HMCN2: variants seen among roughly 807,000 people sequenced by gnomAD.
HMCN2 encodes the protein hemicentin-2.
Under a neutral mutation model 377.5 loss-of-function variants are expected in HMCN2, and 325 were observed. The observed-to-expected ratio is 0.86, with a 90% confidence interval of 0.79 to 0.94. HMCN2 has a LOEUF of 0.94. Among genes scored for constraint, HMCN2 ranks in the 40% least tolerant of loss-of-function variants. The pLI, the probability that HMCN2 is intolerant of heterozygous loss-of-function variation, is 0.00. For synonymous variants in HMCN2, 2,007 were observed against 2,046.8 expected, an observed-to-expected ratio of 0.98 and a Z score of 0.53; for missense variants, 4,543 against 4,725.3, an observed-to-expected ratio of 0.96 and a Z score of 1.13.
At chr9:130,321,112 G>A (rs1837830226) in intron 18 of HMCN2, among the ~76,000 whole-genome samples, 1 of 152,172 alleles carries the variant, frequency 6.6e-6, no homozygotes, top group African/African-American at 2.4e-5. Flanking sequence ...GCTGTCAGAT[G>A]GGTCATGGCT....
At chr9:130,332,557 C>A (rs1838481776) in intron 22 of HMCN2, among the ~76,000 whole-genome samples, 1 of 152,068 alleles carries the variant, frequency 6.6e-6, no homozygotes, top group African/African-American at 2.4e-5. Flanking sequence ...GTTAGCAGCA[C>A]CAGCATCGCA....
In HMCN2 at chr9:130,286,898, C is replaced by T. The variant is rs782024277; in HGVS notation, c.612+588C>T. ...CCTGGACAGGGCTCTGTCCTTCCTC[C>T]TCTCGGGGCTCCATGGTATCATCCT... is the stretch of plus-strand genomic sequence containing the variant. On this transcript the variant is annotated intron_variant, in intron 4 of 97. Transcript: ENST00000683500. Among the ~76,000 whole-genome samples the T allele has an allele frequency of 3.7e-4, 56 of 152,302 alleles. 1 individual carries two copies. The Middle Eastern group carries it at 0.01, about 28-fold the overall frequency.
intron 24 of HMCN2, among the ~76,000 whole-genome samples, chr9:130,341,733 C>T (rs1239602869): frequency 6.6e-6 from 1 of 152,156 alleles, no homozygotes; most frequent in Non-Finnish European, 1.5e-5. Context: ...AACCATAGGC[C>T]AGTCACCTAC....
In HMCN2 at chr9:130,364,892, G is replaced by T. The variant is rs1840609428; in HGVS notation, c.6408+3G>T. The T allele has an allele frequency of 3.0e-6, 3 of 985,740 alleles. No individual in the cohort carries two copies. 61.1% of individuals were successfully genotyped at this position (985,740 alleles called of 1,614,324 possible). A position where few individuals can be genotyped will look rare whatever the true frequency, so the allele number is the denominator to read the frequency against. On this transcript the variant is annotated splice_donor_region_variant and intron_variant, in intron 41 of 97. Transcript: ENST00000683500. Reference sequence around the variant, plus strand: ...CCGCAGACAAAGCCTTGCTGCAGGTGTGCAGGCCCCTGGCCAGCCAAGCAG... The same window carrying T: ...CCGCAGACAAAGCCTTGCTGCAGGTTTGCAGGCCCCTGGCCAGCCAAGCAG...
At position 130,428,434 on chromosome 9, in the gene HMCN2, C is replaced by T. The variant is rs1333001850; in HGVS notation, c.14142C>T (p.Arg4714=). The part of the protein sequence containing the change: ...QRCVNLLGSY[R]CLPDCGPGFR... ...GTGTGAACCTGCTCGGGTCCTACCG[C>T]TGCCTCCCCGACTGTGGGCCTGGCT... is the stretch of plus-strand genomic sequence containing the variant. The change falls in exon 93 of 98, where the codon CGC becomes CGT. Residue 4714 remains arginine (R), a synonymous_variant. Transcript: ENST00000683500. This position sits in a 1 kb window ranked among gnomAD's most constrained non-coding sequence, Gnocchi z 5.0. 2 of 1,546,490 alleles carry T rather than the reference C, an allele frequency of 1.3e-6. No individual in the cohort carries two copies. Among genetic ancestry groups the T allele is most frequent in the South Asian group, 1.2e-5 (1 of 84,064 alleles).
rs1844157139 is a variant in HMCN2, at chr9:130,423,814, G to A, written c.13382-962G>A. 3.3e-5 allele frequency among the ~76,000 whole-genome samples: 5 copies of A among 152,272 alleles called. No individual in the cohort carries two copies. In the South Asian group the frequency reaches 1.0e-3, roughly 32 times the overall value. On this transcript the variant is annotated intron_variant, in intron 87 of 97. Transcript: ENST00000683500. This position sits in a 1 kb window ranked among gnomAD's most constrained non-coding sequence, Gnocchi z 5.5. ...TTTTTCAAACGGTTTGGAACAAACC[G>A]GGGCTGGTCCAGAAGGGATCTGCAA... is the stretch of plus-strand genomic sequence containing the variant.
rs1328043287 is a variant in HMCN2 at position 130,304,766 on chromosome 9, C to T, written c.1580C>T (p.Thr527Ile). 7 of 470,340 alleles carry T rather than the reference C, an allele frequency of 1.5e-5. No individual in the cohort carries two copies. The highest frequency in any genetic ancestry group is 3.1e-5 in the Non-Finnish European group (7 of 226,454). 29.1% of individuals were successfully genotyped at this position (470,340 alleles called of 1,614,324 possible). ...PPQLVPAPNV[T>I]VSPGETAVLS... ...CAGCTGGTCCCTGCTCCCAACGTGA[C>T]CGTGTCCCCAGGGGAGACTGCCGTC... Residue 527 changes from threonine to isoleucine, a missense_variant, in exon 11 of 98, where the codon ACC (threonine) becomes ATC (isoleucine). Physicochemically the swap from Thr to Ile is moderately conservative, Grantham distance 89. Coordinates refer to ENST00000683500, the MANE Select transcript of HMCN2 (RefSeq NM_001291815.2). The surrounding 1 kb of genome is among the most constrained non-coding windows in gnomAD (Gnocchi z 4.3).
rs1349015059 is a variant in HMCN2, at chr9:130,347,527, G to T, written c.4024+167G>T. 1.3e-5 allele frequency among the ~76,000 whole-genome samples: 2 copies of T among 152,200 alleles called. No individual in the cohort carries two copies. Among genetic ancestry groups the T allele is most frequent in the Non-Finnish European group, 2.9e-5 (2 of 68,026 alleles). ...TGGCAGTGCCAGTTCCCCGGGGCCTGAAAGCTTCCTACACAGGAGAATCAG... is the reference window on the plus strand; with the variant it reads ...TGGCAGTGCCAGTTCCCCGGGGCCTTAAAGCTTCCTACACAGGAGAATCAG... On this transcript the variant is annotated intron_variant, in intron 26 of 97. Coordinates refer to ENST00000683500, the MANE Select transcript of HMCN2 (RefSeq NM_001291815.2). This position sits in a 1 kb window ranked among gnomAD's most constrained non-coding sequence, Gnocchi z 5.1.
intron 27 of HMCN2, 121 bp downstream of exon 27, chr9:130,348,796 G>A (rs1839535230): frequency 1.6e-6 from 2 of 1,244,826 alleles, no homozygotes; most frequent in Non-Finnish European, 2.1e-6. Flanking sequence ...TGTCTTTGGT[G>A]GTGCTCTGGG....
intron 15 of HMCN2, among the ~76,000 whole-genome samples, chr9:130,317,735 G>A (rs1473060002): frequency 2.1e-5 from 3 of 141,424 alleles, no homozygotes; most frequent in African/African-American, 5.3e-5. Context: ...GCAGGGAGCC[G>A]AGATTGCGCC....
intron 46 of HMCN2, among the ~76,000 whole-genome samples, chr9:130,372,058 C>T (rs573150197): frequency 6.6e-6 from 1 of 152,336 alleles, no homozygotes; most frequent in African/African-American, 2.4e-5. Context: ...ACAGATACTT[C>T]TTGCTAGAGC....
At position 130,341,336 on chromosome 9, in the gene HMCN2, A is replaced by G. The variant is rs1367170107; in HGVS notation, c.3713A>G (p.Asp1238Gly). ...GAAGCCTCCAACAGCGCCGGGGTGG[A>G]TGCCTGGGAGGTGGAGCTCAGGGTG... ...RCEASNSAGV[D>G]AWEVELRVLE... The change falls in exon 24 of 98, where the codon GAT becomes GGT. Residue 1238 changes from aspartate (D) to glycine (G), a missense_variant. By Grantham distance (94) the Asp-to-Gly change is moderately conservative (BLOSUM62 -1). Transcript: ENST00000683500. 5 of 152,232 alleles carry G rather than the reference A, an allele frequency of 3.3e-5. No homozygotes were observed. The highest frequency in any genetic ancestry group is 1.2e-4 in the African/African-American group (5 of 41,438). The allele number at this position is 152,232 out of a possible 1,614,324, so 9.4% of individuals were successfully genotyped here.
chr9:130,354,044 T>C lies in HMCN2; in HGVS notation c.4865-719T>C, dbSNP rs528551044. Among the ~76,000 whole-genome samples, 5 of 152,304 alleles carry C rather than the reference T, an allele frequency of 3.3e-5. No homozygotes were observed. The East Asian group carries it at 7.7e-4, about 24-fold the overall frequency. On this transcript the variant is annotated intron_variant, in intron 31 of 97. Transcript: ENST00000683500. Reference sequence around the variant, plus strand: ...GCCCCGCCGCTAGCTCAGGGAGTCTTATTTTGGGACCCGAGGTCCCCCAGG... The same window carrying C: ...GCCCCGCCGCTAGCTCAGGGAGTCTCATTTTGGGACCCGAGGTCCCCCAGG...
intron 31 of HMCN2, among the ~76,000 whole-genome samples, chr9:130,353,803 G>C (rs2039463): frequency 0.61 from 93,347 of 152,000 alleles, 30,681 homozygotes; most frequent in Non-Finnish European, 0.74. Context: ...ACTTTTGAAG[G>C]AGAACTCAGA....
Position 130,375,986 on chromosome 9 carries a change from C to G in HMCN2, c.7915C>G (p.Leu2639Val). 1.0e-6 allele frequency: 1 copy of G among 985,256 alleles called. No homozygotes were observed. 61.0% of individuals were successfully genotyped at this position (985,256 alleles called of 1,614,324 possible). A position where few individuals can be genotyped will look rare whatever the true frequency, so the allele number is the denominator to read the frequency against. Residue 2639 changes from leucine (L) to valine (V), a missense_variant, in exon 51 of 98, where the codon CTC (leucine) becomes GTC (valine). Around this residue, in one of 5 missense-constraint regions of HMCN2, gnomAD observed 736 missense variants for 773.2 expected, o/e 0.95. Coordinates refer to ENST00000683500, the MANE Select transcript of HMCN2 (RefSeq NM_001291815.2). ...CGTGAAAAACTACCATGTGGAAGTG[C>G]TCAGTGAGTCGGGGACCCTGGGGCA... ...EAVKNYHVEV[L>V]IPPSISKDDP...
At chr9:130,407,445 G>T in intron 82 of HMCN2, 126 bp from the exon 83 acceptor site, 1 of 834,188 alleles carries the variant, frequency 1.2e-6, no homozygotes, top group Non-Finnish European at 1.6e-6. Flanking sequence ...TGTCTGATTT[G>T]ATCAACCTTC....
chr9:130,406,693 C>T (rs943431173), intron 82 of HMCN2: 6 of 159,442 alleles, frequency 3.8e-5, no homozygotes, highest in Non-Finnish European at 6.9e-5. Flanking sequence ...GTGGAATACC[C>T]GTGCTCACCT....
rs747196145 is a variant in HMCN2 at position 130,425,039 on chromosome 9, G to A, written c.13550G>A (p.Arg4517Gln). The A allele has an allele frequency of 1.5e-5, 23 of 1,549,612 alleles. No homozygotes were observed. Among genetic ancestry groups the A allele is most frequent in the Middle Eastern group, 1.7e-4 (1 of 5,998 alleles). ...CTGCTCACGATGACCCAGGTGGCCC[G>A]GGGTCTGGATCCCGATGGCCTCCTG... is the stretch of plus-strand genomic sequence containing the variant. Reference protein sequence around the residue: ...GELLTMTQVARGLDPDGLLLL... With the variant: ...GELLTMTQVAQGLDPDGLLLL... Residue 4517 changes from arginine to glutamine, a missense_variant, in exon 89 of 98, where the codon CGG becomes CAG. Transcript: ENST00000683500.
chr9:130,392,775 TTA>T (rs1842389033), intron 66 of HMCN2, among the ~76,000 whole-genome samples: 7 of 152,008 alleles, frequency 4.6e-5, no homozygotes, highest in African/African-American at 7.3e-5. Context: ...GGCGGGCAGA[TTA>T]CAAGGTCAGG....
Sources: gnomAD v4.1 joint callset for allele counts (sites outside exome capture counted in the v4.1 genomes callset) on GRCh38, gnomAD v4.1.1 for gene constraint, gnomAD v4.1.1 regional missense constraint, Gnocchi (gnomAD v3.1) non-coding constraint, MANE v1.5 for transcripts, NCBI Gene and HGNC (gene_info 2026-07-23, HGNC 2026-07-21) for gene names.